MBTPS1: variants seen among roughly 807,000 people sequenced by gnomAD.
MBTPS1 encodes membrane-bound transcription factor site-1 protease.
Under a neutral mutation model 127.8 loss-of-function variants are expected in MBTPS1, and 94 were observed. That is an observed-to-expected ratio of 0.74 (90% CI 0.62 to 0.87). The LOEUF is 0.87. Ranked by LOEUF, MBTPS1 falls within the 40% of genes least tolerant of loss-of-function variation. MBTPS1 has a pLI of 0.00. For missense variants in MBTPS1, 1,636 were observed against 1,353.2 expected (o/e 1.21, Z -3.28); for synonymous variants, 632 against 509.4 (o/e 1.24, Z -3.24).
At chr16:84,068,194 C>T (rs1263796352) in intron 15 of MBTPS1, 145 bp downstream of exon 15, 3 of 641,520 alleles carry the variant, frequency 4.7e-6, no homozygotes, top group South Asian at 1.8e-5. Context: ...TTCAGAGCCT[C>T]GCCCCAGGCT....
chr16:84,065,986 T>A (rs1468222563), intron 17 of MBTPS1, among the ~76,000 whole-genome samples: 1 of 152,220 alleles, frequency 6.6e-6, no homozygotes, highest in Non-Finnish European at 1.5e-5. Context: ...GGTTTCTGAA[T>A]ACATTTTATA....
At chr16:84,083,958 T>C (rs1225968686) in intron 10 of MBTPS1, among the ~76,000 whole-genome samples, 1 of 152,132 alleles carries the variant, frequency 6.6e-6, no homozygotes, top group Non-Finnish European at 1.5e-5. Context: ...TGGAGAACTT[T>C]ATTGATTGAT....
In MBTPS1 at chr16:84,070,082, A is replaced by T. The variant is rs182481754; in HGVS notation, c.1783-44T>A. The T allele has an allele frequency of 5.5e-5, 82 of 1,502,680 alleles. No homozygotes were observed. In the East Asian group the frequency reaches 1.9e-3, roughly 34 times the overall value. 93.1% of individuals were successfully genotyped at this position (1,502,680 alleles called of 1,614,324 possible). On this transcript the variant is annotated intron_variant, in intron 13 of 22. Coordinates refer to ENST00000343411, the MANE Select transcript of MBTPS1 (RefSeq NM_003791.4). ...AACTTGAAACGCCCTCATTGTGCAG[A>T]AAGAAACTTTCAGGTTTGAAAACAT... is the stretch of plus-strand genomic sequence containing the variant.
Position 84,087,473 on chromosome 16 carries a change from CAAAAAA to C in MBTPS1, c.1032-19_1032-14del. ...GTTATTCAGAGTGCTATATTGAGACCAAAAAAAAAAAAAAAGAAAAGAAAAAGAAAA... is the reference window on the plus strand; with the variant it reads ...GTTATTCAGAGTGCTATATTGAGACCAAAAAAAAAGAAAAGAAAAAGAAAA... On this transcript the variant is annotated splice_polypyrimidine_tract_variant and intron_variant, in intron 8 of 22. Coordinates refer to ENST00000343411, the MANE Select transcript of MBTPS1 (RefSeq NM_003791.4). The C allele has an allele frequency of 1.2e-5, 12 of 1,036,128 alleles. No individual in the cohort carries two copies. Among genetic ancestry groups the C allele is most frequent in the Non-Finnish European group, 1.5e-5 (11 of 724,776 alleles). 64.2% of individuals were successfully genotyped at this position (1,036,128 alleles called of 1,614,324 possible). A position where few individuals can be genotyped will look rare whatever the true frequency, so the allele number is the denominator to read the frequency against.
intron 4 of MBTPS1, 62 bp from the exon 5 acceptor site, chr16:84,093,883 C>T: frequency 8.5e-7 from 1 of 1,181,242 alleles, no homozygotes; most frequent in South Asian, 1.3e-5. Flanking sequence ...TGGATTTTGC[C>T]TATAAAATAC....
intron 1 of MBTPS1, among the ~76,000 whole-genome samples, chr16:84,108,319 C>G (rs975919122): frequency 1.3e-5 from 2 of 152,204 alleles, no homozygotes; most frequent in Non-Finnish European, 2.9e-5. Flanking sequence ...GGCTGGAGTG[C>G]AATGGCACGA....
chr16:84,069,648 G>T (rs1006258782), intron 14 of MBTPS1, among the ~76,000 whole-genome samples: 1 of 152,222 alleles, frequency 6.6e-6, no homozygotes, highest in Non-Finnish European at 1.5e-5. Flanking sequence ...AAGGAAAAGA[G>T]AACTTCAAGC....
chr16:84,067,952 G>C, intron 15 of MBTPS1, 129 bp from the exon 16 acceptor site: 1 of 802,778 alleles, frequency 1.2e-6, no homozygotes, highest in East Asian at 2.7e-5. Context: ...GTGCCACCCT[G>C]TACCACTTTA....
At position 84,101,715 on chromosome 16, in the gene MBTPS1, G is replaced by T; in HGVS notation, c.69C>A (p.Asp23Glu). The T allele has an allele frequency of 6.2e-7, 1 of 1,614,146 alleles. No individual in the cohort carries two copies. Among genetic ancestry groups the T allele is most frequent in the Non-Finnish European group, 8.5e-7 (1 of 1,180,002 alleles). The change falls in exon 2 of 23, where the codon GAC becomes GAA. Residue 23 changes from aspartate to glutamate, a missense_variant. Coordinates refer to ENST00000343411, the MANE Select transcript of MBTPS1 (RefSeq NM_003791.4). Reference sequence around the variant, plus strand: ...TTTCAAAAGATTTCTTTTCCAGTCTGTCGCCCAGATGTTTCTTCCCACAGA... The same window carrying T: ...TTTCAAAAGATTTCTTTTCCAGTCTTTCGCCCAGATGTTTCTTCCCACAGA... ...VLLCGKKHLG[D>E]RLEKKSFEKA...
chr16:84,102,805 C>A (rs1466623463), intron 1 of MBTPS1, among the ~76,000 whole-genome samples: 1 of 152,162 alleles, frequency 6.6e-6, no homozygotes, highest in Non-Finnish European at 1.5e-5. Context: ...TTAAGAAACA[C>A]TATGCTTTAA....
chr16:84,062,239 G>C (rs2085623817), intron 19 of MBTPS1, among the ~76,000 whole-genome samples: 1 of 152,066 alleles, frequency 6.6e-6, no homozygotes, highest in Non-Finnish European at 1.5e-5. Context: ...TCCCACCTCA[G>C]CCTCCCAAGC....
Position 84,058,226 on chromosome 16 carries a change from C to T in MBTPS1, c.2831+1076G>A, listed in dbSNP as rs116544621. On this transcript the variant is annotated intron_variant, in intron 21 of 22. Coordinates refer to ENST00000343411, the MANE Select transcript of MBTPS1 (RefSeq NM_003791.4). ...TCGAAATGAAGACATACGGTCAGTG[C>T]GTGGTGTGTTCAGCACTTTCGGTTT... 3.9e-5 allele frequency among the ~76,000 whole-genome samples: 6 copies of T among 152,342 alleles called. No homozygotes were observed. In the East Asian group the frequency reaches 1.2e-3, roughly 29 times the overall value.
intron 5 of MBTPS1, 83 bp from the exon 6 acceptor site, chr16:84,093,380 C>T (rs1214938189): frequency 9.6e-6 from 9 of 933,268 alleles, no homozygotes; most frequent in African/African-American, 1.6e-5. Context: ...ATGAGTTCCA[C>T]GGCCTTCCAT....
chr16:84,054,364 A>C lies in MBTPS1; in HGVS notation c.*85T>G. On this transcript the variant is annotated 3_prime_UTR_variant, in exon 23 of 23. Transcript: ENST00000343411. ...GCAGCTGGAAACTGGATCCCTTTTA[A>C]ACCAGCCGCCACCACAGCTCGGCTC... The C allele has an allele frequency of 7.7e-7, 1 of 1,303,410 alleles. No homozygotes were observed. Among genetic ancestry groups the C allele is most frequent in the South Asian group, 1.5e-5 (1 of 65,858 alleles). The allele number at this position is 1,303,410 out of a possible 1,614,324, so 80.7% of individuals were successfully genotyped here. A position where few individuals can be genotyped will look rare whatever the true frequency, so the allele number is the denominator to read the frequency against.
In MBTPS1 at chr16:84,059,211, T is replaced by G. The variant is rs2085568632; in HGVS notation, c.2831+91A>C. The stretch of plus-strand genomic sequence containing the variant: ...GCTTGAAGATCTGACAATTCGATAG[T>G]GATGTCAGTAAAATTCCATTCTCTC... On this transcript the variant is annotated intron_variant, in intron 21 of 22. Transcript: ENST00000343411. The G allele has an allele frequency of 4.8e-6, 7 of 1,468,236 alleles. No homozygotes were observed. In the Admixed American group the frequency reaches 8.4e-5, roughly 18 times the overall value. 91.0% of individuals were successfully genotyped at this position (1,468,236 alleles called of 1,614,324 possible).
chr16:84,077,337 A>T (rs1334095740), intron 11 of MBTPS1, among the ~76,000 whole-genome samples: 1 of 152,160 alleles, frequency 6.6e-6, no homozygotes, highest in Non-Finnish European at 1.5e-5. Context: ...GCACTAACAG[A>T]TATTAAAACA....
At chr16:84,083,341 A>G (rs2085969658) in intron 10 of MBTPS1, among the ~76,000 whole-genome samples, 1 of 152,268 alleles carries the variant, frequency 6.6e-6, no homozygotes, top group Non-Finnish European at 1.5e-5. Context: ...CAGTGTTTCC[A>G]GCAAGCACAT....
At chr16:84,082,442 T>C (rs933393157) in intron 10 of MBTPS1, among the ~76,000 whole-genome samples, 3 of 152,188 alleles carry the variant, frequency 2.0e-5, no homozygotes, top group Admixed American at 6.5e-5. Context: ...TGATGGATGA[T>C]GCCTTTCAGA....
chr16:84,076,537 GA>G (rs1299953400), intron 11 of MBTPS1, among the ~76,000 whole-genome samples: 1 of 152,120 alleles, frequency 6.6e-6, no homozygotes, highest in Non-Finnish European at 1.5e-5. Flanking sequence ...AGTACACCTG[GA>G]AAACCCTAGA....
Sources: allele counts gnomAD v4.1 joint callset (sites outside exome capture counted in the v4.1 genomes callset), GRCh38; gene constraint gnomAD v4.1.1; transcripts MANE v1.5; gene names NCBI Gene and HGNC (gene_info 2026-07-23, HGNC 2026-07-21).